Variants in BBS9 observed in about 807,000 individuals in gnomAD.
BBS9 encodes Bardet-Biedl syndrome 9.
BBS9 carries 89 observed loss-of-function variants against 117.7 expected under a neutral mutation model. The ratio of observed to expected loss-of-function variants is 0.76; its 90% CI spans 0.64 to 0.90. BBS9 has a LOEUF of 0.90. BBS9 is among the 40% of genes least tolerant of loss of function. The pLI, the probability that BBS9 is intolerant of heterozygous loss-of-function variation, is 0.00. For missense variants in BBS9, 982 were observed against 1,042.2 expected, an observed-to-expected ratio of 0.94 and a Z score of 0.80; for synonymous variants, 379 against 370.9, an observed-to-expected ratio of 1.02 and a Z score of -0.25.
rs558396808 is a variant in BBS9 at position 33,315,306 on chromosome 7, T to C, written c.1017-21135T>C. Among the ~76,000 whole-genome samples the C allele has an allele frequency of 1.4e-4, 22 of 152,250 alleles. No homozygotes were observed. In the South Asian group the frequency reaches 3.7e-3, roughly 26 times the overall value. Reference sequence around the variant, plus strand: ...TGTTCCTTGGCTAGTAGACTCATCATTGCAGTCTCTTCCTCTGTCTTCACA... The same window carrying C: ...TGTTCCTTGGCTAGTAGACTCATCACTGCAGTCTCTTCCTCTGTCTTCACA... On this transcript the variant is annotated intron_variant, in intron 9 of 22. Transcript: ENST00000242067.
intron 21 of BBS9, among the ~76,000 whole-genome samples, chr7:33,627,891 A>T (rs770238285): frequency 8.5e-4 from 130 of 152,162 alleles, no homozygotes; most frequent in Admixed American, 1.6e-3. Flanking sequence ...AAAAAATAAA[A>T]GAATTAGCTG....
intron 5 of BBS9, among the ~76,000 whole-genome samples, chr7:33,186,655 C>T (rs541666216): frequency 6.6e-6 from 1 of 151,984 alleles, no homozygotes; most frequent in South Asian, 2.1e-4. Context: ...TAAAATTCCT[C>T]CAAAAATTAT....
At chr7:33,237,939 C>T (rs1408855134) in intron 5 of BBS9, among the ~76,000 whole-genome samples, 1 of 152,132 alleles carries the variant, frequency 6.6e-6, no homozygotes, top group South Asian at 2.1e-4. Context: ...GAGGTGAAAG[C>T]CTGCTCTTTC....
At chr7:33,448,367 C>T (rs1837299979) in intron 19 of BBS9, among the ~76,000 whole-genome samples, 1 of 152,190 alleles carries the variant, frequency 6.6e-6, no homozygotes, top group Admixed American at 6.5e-5. Context: ...GAGTGCATTC[C>T]CTTTGCCTTG....
At chr7:33,402,597 T>C (rs1264475904) in intron 19 of BBS9, among the ~76,000 whole-genome samples, 1 of 152,202 alleles carries the variant, frequency 6.6e-6, no homozygotes, top group Non-Finnish European at 1.5e-5. Flanking sequence ...ATAAATGGAA[T>C]CATACAATAT....
In BBS9 at chr7:33,510,822, G is replaced by A. The variant is rs572427375; in HGVS notation, c.2298+5177G>A. Among the ~76,000 whole-genome samples, 10 of 152,284 alleles carry A rather than the reference G, an allele frequency of 6.6e-5. No homozygotes were observed. The East Asian group carries it at 7.7e-4, about 12-fold the overall frequency. On this transcript the variant is annotated intron_variant, in intron 20 of 22. Transcript: ENST00000242067. ...GTTCTGTTGCATAGCACTATCAGTC[G>A]TCAAGAGAAAAAACATCTTATCAGT...
At chr7:33,219,318 C>T (rs575135336) in intron 5 of BBS9, among the ~76,000 whole-genome samples, 6 of 152,322 alleles carry the variant, frequency 3.9e-5, no homozygotes, top group South Asian at 2.1e-4. Context: ...CGTGCTCCAC[C>T]GCGGCCGGTC....
intron 10 of BBS9, among the ~76,000 whole-genome samples, chr7:33,339,144 G>T (rs1358835846): frequency 2.0e-5 from 3 of 152,082 alleles, no homozygotes; most frequent in Admixed American, 2.0e-4. Flanking sequence ...GCAGTCCAGG[G>T]TTGGCTTGGC....
At chr7:33,358,144 C>G in intron 16 of BBS9, 149 bp downstream of exon 16, 1 of 973,534 alleles carries the variant, frequency 1.0e-6, no homozygotes, top group Admixed American at 2.0e-5. Context: ...CCTCCTTTGC[C>G]TGTTCAAAGG....
intron 5 of BBS9, among the ~76,000 whole-genome samples, chr7:33,178,924 G>A (rs1231704925): frequency 6.6e-6 from 1 of 152,124 alleles, no homozygotes; most frequent in African/African-American, 2.4e-5. Flanking sequence ...CACTTGGTTA[G>A]GTTGGAGGAC....
intron 9 of BBS9, 87 bp downstream of exon 9, chr7:33,274,043 T>G (rs1562920587): frequency 1.4e-6 from 2 of 1,459,220 alleles, no homozygotes; most frequent in East Asian, 4.6e-5. Flanking sequence ...ACAAGTGATT[T>G]TATTAAAAAA....
intron 3 of BBS9, among the ~76,000 whole-genome samples, chr7:33,153,475 T>A (rs903065451): frequency 1.3e-5 from 2 of 152,254 alleles, no homozygotes; most frequent in African/African-American, 4.8e-5. Flanking sequence ...AAATTAAGCT[T>A]GTATTTCTTC....
chr7:33,245,580 G>C (rs1037338417), intron 5 of BBS9, among the ~76,000 whole-genome samples: 3 of 152,156 alleles, frequency 2.0e-5, no homozygotes, highest in Non-Finnish European at 4.4e-5. Context: ...CAGGGATGGA[G>C]AGGCATGGTG....
intron 5 of BBS9, among the ~76,000 whole-genome samples, chr7:33,182,086 CAAACAAAACAAAACA>C (rs147523817): frequency 6.6e-6 from 1 of 151,720 alleles, no homozygotes; most frequent in Non-Finnish European, 1.5e-5. Flanking sequence ...GACTCCGTCT[CAAACAAAACAAAACA>C]AAACAAAACA....
intron 4 of BBS9, among the ~76,000 whole-genome samples, chr7:33,170,896 G>A (rs1158922765): frequency 2.6e-5 from 4 of 151,728 alleles, no homozygotes; most frequent in Non-Finnish European, 4.4e-5. Flanking sequence ...CAACTTACAA[G>A]GGATGTGAAG....
chr7:33,376,081 G>A (rs748610392), intron 17 of BBS9, among the ~76,000 whole-genome samples: 20 of 151,866 alleles, frequency 1.3e-4, no homozygotes, highest in Non-Finnish European at 2.2e-4. Context: ...TGTTATATAA[G>A]TAAACTTGTG....
At chr7:33,407,073 A>G (rs1249870294) in intron 19 of BBS9, among the ~76,000 whole-genome samples, 3 of 152,150 alleles carry the variant, frequency 2.0e-5, no homozygotes, top group East Asian at 1.9e-4. Context: ...AGATACACCA[A>G]TCAGACGTAG....
At chr7:33,138,491 A>G (rs1303498732) in intron 1 of BBS9, among the ~76,000 whole-genome samples, 3 of 151,128 alleles carry the variant, frequency 2.0e-5, no homozygotes, top group African/African-American at 7.2e-5. Flanking sequence ...CATTTCTCAT[A>G]AGCTTTTGAG....
chr7:33,464,053 G>A (rs182099987), intron 19 of BBS9, among the ~76,000 whole-genome samples: 2 of 152,062 alleles, frequency 1.3e-5, no homozygotes, highest in East Asian at 1.9e-4. Flanking sequence ...TTTTTGTTAA[G>A]TTAAAATCAT....
Sources: allele counts gnomAD v4.1 joint callset (sites outside exome capture counted in the v4.1 genomes callset), GRCh38; gene constraint gnomAD v4.1.1; transcripts MANE v1.5; gene names NCBI Gene and HGNC (gene_info 2026-07-23, HGNC 2026-07-21).